PPFIA2: variants seen among roughly 807,000 people sequenced by gnomAD.
PPFIA2 encodes the protein PPFI scaffold protein A2, also known as liprin-alpha-2.
A neutral mutation model predicts 175.5 loss-of-function variants in PPFIA2; 46 were observed. The observed-to-expected ratio is 0.26, with a 90% CI of 0.21 to 0.34. The LOEUF is 0.34. Among genes scored for constraint, PPFIA2 ranks in the 10% least tolerant of loss-of-function variants. The pLI, the probability that PPFIA2 is intolerant of heterozygous loss-of-function variation, is 1.00. For synonymous variants in PPFIA2, 568 were observed against 511.4 expected (o/e 1.11, Z -1.49); for missense variants, 1,179 against 1,506.1 (o/e 0.78, Z 3.60).
At chr12:81,381,007 C>CA (rs201103099) in intron 9 of PPFIA2, among the ~76,000 whole-genome samples, 43,526 of 127,980 alleles carry the variant, frequency 0.34, 7,174 homozygotes, top group East Asian at 0.51. Flanking sequence ...TGTGTGTATA[C>CA]AAAAAAAAAA....
At chr12:81,561,886 C>A (rs2070179946) in intron 4 of PPFIA2, among the ~76,000 whole-genome samples, 1 of 152,258 alleles carries the variant, frequency 6.6e-6, no homozygotes, top group African/African-American at 2.4e-5. Context: ...AGCTTATTAT[C>A]TTTAACCATG....
intron 21 of PPFIA2, among the ~76,000 whole-genome samples, chr12:81,327,840 A>C (rs1481058819): frequency 1.3e-5 from 2 of 152,174 alleles, no homozygotes; most frequent in African/African-American, 4.8e-5. Context: ...TTATTTTCTC[A>C]TAACTATAAA....
chr12:81,298,222 G>T (rs2046971411), intron 23 of PPFIA2: 1 of 152,262 alleles, frequency 6.6e-6, no homozygotes, highest in East Asian at 1.9e-4. Flanking sequence ...TAATTTTAAA[G>T]ACACGGTTGA....
At chr12:81,278,860 C>A (rs936687183) in intron 27 of PPFIA2, among the ~76,000 whole-genome samples, 1 of 152,150 alleles carries the variant, frequency 6.6e-6, no homozygotes, top group Non-Finnish European at 1.5e-5. Flanking sequence ...TTTAGACATA[C>A]ACATTGGCCA....
chr12:81,564,270 G>A (rs2070829005), intron 4 of PPFIA2, among the ~76,000 whole-genome samples: 1 of 145,262 alleles, frequency 6.9e-6, no homozygotes, highest in Non-Finnish European at 1.5e-5. Flanking sequence ...CAGAACTATA[G>A]ATTTTTCAAG....
At chr12:81,307,638 C>T (rs200273800) in intron 22 of PPFIA2, among the ~76,000 whole-genome samples, 2 of 146,164 alleles carry the variant, frequency 1.4e-5, no homozygotes, top group Non-Finnish European at 3.1e-5. Flanking sequence ...TAGAATCTCT[C>T]TATCTCTCAT....
Position 81,298,701 on chromosome 12 carries a change from A to C in PPFIA2, c.2724+600T>G, listed in dbSNP as rs549172015. Among the ~76,000 whole-genome samples, 3 of 152,326 alleles carry C rather than the reference A, an allele frequency of 2.0e-5. No individual in the cohort carries two copies. The South Asian group carries it at 6.2e-4, about 32-fold the overall frequency. ...TTCTGCTGCCTCCTACACTGTTCAGATATTCCCTTATTTTTCCAGAACACT... is the reference window on the plus strand; with the variant it reads ...TTCTGCTGCCTCCTACACTGTTCAGCTATTCCCTTATTTTTCCAGAACACT... On this transcript the variant is annotated intron_variant, in intron 23 of 32. Coordinates refer to ENST00000549396, the MANE Select transcript of PPFIA2 (RefSeq NM_003625.5).
intron 4 of PPFIA2, among the ~76,000 whole-genome samples, chr12:81,657,384 G>A (rs981705165): frequency 2.0e-5 from 3 of 152,116 alleles, no homozygotes; most frequent in African/African-American, 7.2e-5. Context: ...CAACTTACTG[G>A]GGTCCATGGA....
chr12:81,296,829 A>G (rs1175867944), intron 23 of PPFIA2: 2 of 105,516 alleles, frequency 1.9e-5, no homozygotes, highest in Non-Finnish European at 4.4e-5. Context: ...AAATGAAGGA[A>G]TCAAGCTTGA....
chr12:81,605,650 GCTAT>G (rs10595723), intron 4 of PPFIA2, among the ~76,000 whole-genome samples: 20,352 of 143,778 alleles, frequency 0.14, 1,439 homozygotes, highest in African/African-American at 0.2. Context: ...CATCCATCCA[GCTAT>G]CTATCTATCT....
intron 29 of PPFIA2, chr12:81,267,352 G>A (rs1003513493): frequency 5.2e-6 from 2 of 387,736 alleles, no homozygotes; most frequent in Admixed American, 3.8e-5. Flanking sequence ...AAACGAGACT[G>A]CCAAATTTTT....
rs528152412 is a variant in PPFIA2 at position 81,678,479 on chromosome 12, A to G, written c.250-1635T>C. ...TGAAATGCTAACTGTGAAAAGGAAC[A>G]TAATGGGTAATGAATTTATTCATGC... On this transcript the variant is annotated intron_variant, in intron 3 of 32. Coordinates refer to ENST00000549396, the MANE Select transcript of PPFIA2 (RefSeq NM_003625.5). 6.6e-5 allele frequency among the ~76,000 whole-genome samples: 10 copies of G among 152,036 alleles called. No individual in the cohort carries two copies. In the East Asian group the frequency reaches 1.9e-3, roughly 30 times the overall value.
intron 10 of PPFIA2, 66 bp from the exon 11 acceptor site, chr12:81,374,834 A>G: frequency 2.1e-6 from 3 of 1,458,744 alleles, no homozygotes; most frequent in Non-Finnish European, 2.8e-6. Flanking sequence ...ACCAGTCGCC[A>G]GGGGCTTTGC....
chr12:81,372,230 G>A (rs2035309739), intron 11 of PPFIA2, among the ~76,000 whole-genome samples: 1 of 151,272 alleles, frequency 6.6e-6, no homozygotes, highest in Non-Finnish European at 1.5e-5. Context: ...GGCAGAAATG[G>A]TTTTGAGAAC....
At position 81,297,078 on chromosome 12, in the gene PPFIA2, C is replaced by T. The variant is rs1420183513; in HGVS notation, c.2725-2043G>A. ...AGATCTCAGGAGCCCTGTGGAGAGTCCCATATGACAAGGAACTAATGTTTC... is the reference window on the plus strand; with the variant it reads ...AGATCTCAGGAGCCCTGTGGAGAGTTCCATATGACAAGGAACTAATGTTTC... On this transcript the variant is annotated intron_variant, in intron 23 of 32. Coordinates refer to ENST00000549396, the MANE Select transcript of PPFIA2 (RefSeq NM_003625.5). 2.6e-5 allele frequency among the ~76,000 whole-genome samples: 4 copies of T among 152,124 alleles called. 1 individual carries two copies. The highest frequency in any genetic ancestry group is 9.7e-5 in the African/African-American group (4 of 41,428).
At chr12:81,445,359 AAAG>A (rs767123001) in intron 6 of PPFIA2, among the ~76,000 whole-genome samples, 194 bp downstream of exon 6, 45 of 152,242 alleles carry the variant, frequency 3.0e-4, no homozygotes, top group Non-Finnish European at 5.7e-4. Context: ...TGGTTTAGAA[AAAG>A]AAGATGTTTA....
intron 4 of PPFIA2, among the ~76,000 whole-genome samples, chr12:81,639,047 C>A (rs147971072): frequency 2.0e-5 from 3 of 152,268 alleles, no homozygotes; most frequent in African/African-American, 7.2e-5. Flanking sequence ...TTCCATATTT[C>A]TTCTCTAGTG....
chr12:81,444,146 G>A (rs1300752892), intron 6 of PPFIA2, among the ~76,000 whole-genome samples: 1 of 151,962 alleles, frequency 6.6e-6, no homozygotes, highest in African/African-American at 2.4e-5. Flanking sequence ...GAGCCACCGC[G>A]CCCGGCCATG....
rs140087354 is a variant in PPFIA2, at chr12:81,704,836, C to T, written c.250-27992G>A. 8.1e-4 allele frequency among the ~76,000 whole-genome samples: 123 copies of T among 151,842 alleles called. 1 individual carries two copies. The East Asian group carries it at 0.021, about 26-fold the overall frequency. Reference sequence around the variant, plus strand: ...CGGTGGCTCATACCTGTAATCCCAGCACTTTGGGAGGCCGAGGCAGGTGGA... The same window carrying T: ...CGGTGGCTCATACCTGTAATCCCAGTACTTTGGGAGGCCGAGGCAGGTGGA... On this transcript the variant is annotated intron_variant, in intron 3 of 32. Transcript: ENST00000549396.
Sources: gnomAD v4.1 joint callset for allele counts (sites outside exome capture counted in the v4.1 genomes callset) on GRCh38, gnomAD v4.1.1 for gene constraint, MANE v1.5 for transcripts, NCBI Gene and HGNC (gene_info 2026-07-23, HGNC 2026-07-21) for gene names.